RORB: variants seen among roughly 807,000 people sequenced by gnomAD.
RORB encodes the protein nuclear receptor ROR-beta.
Under a neutral mutation model 59.1 loss-of-function variants are expected in RORB, and 6 were observed. The observed-to-expected ratio is 0.10, with a 90% confidence interval of 0.06 to 0.20. RORB has a LOEUF of 0.20. Among genes scored for constraint, RORB ranks in the 10% least tolerant of loss-of-function variants. The pLI is 1.00. For missense variants in RORB, 320 were observed against 560.5 expected, an observed-to-expected ratio of 0.57 and a Z score of 4.33; for synonymous variants, 215 against 204.5, an observed-to-expected ratio of 1.05 and a Z score of -0.44.
chr9:74,650,851 A>G (rs1477538692), intron 4 of RORB, among the ~76,000 whole-genome samples: 1 of 152,218 alleles, frequency 6.6e-6, no homozygotes, highest in African/African-American at 2.4e-5. Context: ...ATGACCTTCA[A>G]AGATTACTTC....
chr9:74,615,611 C>A, intron 1 of RORB: 1 of 454,740 alleles, frequency 2.2e-6, no homozygotes, highest in South Asian at 1.6e-5. Flanking sequence ...TGTGTGAGAA[C>A]CAGCTCAAAA....
At chr9:74,565,921 T>A (rs1406937668) in intron 1 of RORB, among the ~76,000 whole-genome samples, 2 of 152,226 alleles carry the variant, frequency 1.3e-5, no homozygotes, top group African/African-American at 4.8e-5. Context: ...ACAAGTGCTC[T>A]TTGAACAAGA....
chr9:74,662,278 T>G (rs1029698516), intron 5 of RORB, among the ~76,000 whole-genome samples, 196 bp from the exon 6 acceptor site: 1 of 152,128 alleles, frequency 6.6e-6, no homozygotes, highest in East Asian at 1.9e-4. Context: ...TTTTGGCCTA[T>G]TGAGGTCCAA....
intron 1 of RORB, among the ~76,000 whole-genome samples, chr9:74,565,827 T>C (rs933875420): frequency 4.6e-5 from 7 of 152,304 alleles, no homozygotes; most frequent in African/African-American, 1.4e-4. Context: ...TCATCTATAC[T>C]TAGACTTAAG....
At chr9:74,559,829 C>A (rs1822367300) in intron 1 of RORB, among the ~76,000 whole-genome samples, 1 of 152,086 alleles carries the variant, frequency 6.6e-6, no homozygotes, top group Admixed American at 6.6e-5. Context: ...AAAAACAAGG[C>A]CTGCTTCTTT....
intron 1 of RORB, among the ~76,000 whole-genome samples, chr9:74,629,383 A>C (rs1348096532): frequency 6.6e-6 from 1 of 151,842 alleles, no homozygotes; most frequent in Admixed American, 6.6e-5. Context: ...CAGGAACTCC[A>C]TAATCTGGCA....
chr9:74,508,275 C>A lies in RORB; in HGVS notation c.7+10292C>A, dbSNP rs141453992. 4.0e-3 allele frequency among the ~76,000 whole-genome samples: 606 copies of A among 151,896 alleles called. 23 individuals are homozygous for A. The East Asian group carries it at 0.084, about 21-fold the overall frequency. On this transcript the variant is annotated intron_variant, in intron 1 of 9. Coordinates refer to ENST00000376896, the MANE Select transcript of RORB (RefSeq NM_006914.4). ...AATCCTAGTCAGACAGCATTAATACCCTTCCAGTTGTGTTTTTGCTTTGCT... is the reference window on the plus strand; with the variant it reads ...AATCCTAGTCAGACAGCATTAATACACTTCCAGTTGTGTTTTTGCTTTGCT...
chr9:74,618,801 G>A (rs1823355787), intron 1 of RORB, among the ~76,000 whole-genome samples: 1 of 151,998 alleles, frequency 6.6e-6, no homozygotes, highest in Non-Finnish European at 1.5e-5. Context: ...AAAGGTTATT[G>A]TCCCAACCTT....
chr9:74,596,497 A>G lies in RORB; in HGVS notation c.8-33785A>G, dbSNP rs539412018. Among the ~76,000 whole-genome samples the G allele has an allele frequency of 1.9e-3, 292 of 152,268 alleles. 2 individuals are homozygous for G. The highest frequency in any genetic ancestry group is 2.9e-3 in the Non-Finnish European group (199 of 68,012). The stretch of plus-strand genomic sequence containing the variant: ...TTCATGGTTCTACTGCTGACCTAGA[A>G]AAAGTAACTCCATGGGTCTTGATCA... On this transcript the variant is annotated intron_variant, in intron 1 of 9. Transcript: ENST00000376896.
Position 74,686,732 on chromosome 9 carries a change from A to G in RORB, c.*1114A>G, listed in dbSNP as rs547307410. On this transcript the variant is annotated 3_prime_UTR_variant, in exon 10 of 10. Coordinates refer to ENST00000376896, the MANE Select transcript of RORB (RefSeq NM_006914.4). ...TTCTCTCTCACCATGTTTTGGCAAG[A>G]AAAGGTAGAAAGAGAAGACCCAGAG... 6.5e-6 allele frequency: 1 copy of G among 152,738 alleles called. No individual in the cohort carries two copies. The highest frequency in any genetic ancestry group is 6.5e-5 in the Admixed American group (1 of 15,298). The allele number at this position is 152,738 out of a possible 1,614,324, so 9.5% of individuals were successfully genotyped here.
chr9:74,497,923 G>C lies in RORB; in HGVS notation c.-54G>C. The C allele has an allele frequency of 6.2e-7, 1 of 1,605,588 alleles. No individual in the cohort carries two copies. The highest frequency in any genetic ancestry group is 8.5e-7 in the Non-Finnish European group (1 of 1,175,982). On this transcript the variant is annotated 5_prime_UTR_variant, in exon 1 of 10. Transcript: ENST00000376896. The stretch of plus-strand genomic sequence containing the variant: ...TGAGCGGGATTTTTGGGCTCTCCGG[G>C]GTTCGGGCTGGGAGCAGCTTCATGA...
At chr9:74,521,657 T>C (rs1042822365) in intron 1 of RORB, among the ~76,000 whole-genome samples, 1 of 151,802 alleles carries the variant, frequency 6.6e-6, no homozygotes, top group Non-Finnish European at 1.5e-5. Context: ...GAAAACTTAT[T>C]GAGCAAGTGA....
At chr9:74,536,864 G>C (rs550414398) in intron 1 of RORB, among the ~76,000 whole-genome samples, 3 of 152,062 alleles carry the variant, frequency 2.0e-5, no homozygotes, top group Non-Finnish European at 4.4e-5. Flanking sequence ...GAGAAAGAGA[G>C]AGACTTTTTA....
intron 2 of RORB, among the ~76,000 whole-genome samples, chr9:74,632,697 T>G (rs952109261): frequency 1.3e-5 from 2 of 152,180 alleles, no homozygotes; most frequent in Admixed American, 1.3e-4. Flanking sequence ...TTTTCTGTCC[T>G]GTCAACTCTT....
chr9:74,601,370 A>ATT (rs1350337293), intron 1 of RORB, among the ~76,000 whole-genome samples: 61 of 111,632 alleles, frequency 5.5e-4, no homozygotes, highest in Admixed American at 1.8e-3. Flanking sequence ...GAATATGTGA[A>ATT]TTATATATAT....
intron 1 of RORB, among the ~76,000 whole-genome samples, chr9:74,627,274 C>T (rs1423366220): frequency 3.9e-5 from 6 of 152,020 alleles, no homozygotes; most frequent in Non-Finnish European, 1.5e-5. Context: ...TTACCTTTAC[C>T]TATCATAAAC....
chr9:74,647,157 C>A (rs760136586), intron 4 of RORB, among the ~76,000 whole-genome samples: 1 of 152,106 alleles, frequency 6.6e-6, no homozygotes, highest in Non-Finnish European at 1.5e-5. Flanking sequence ...TTCAAACTGG[C>A]GTGATGGATG....
At chr9:74,681,835 A>G (rs1385300751) in intron 9 of RORB, among the ~76,000 whole-genome samples, 1 of 152,222 alleles carries the variant, frequency 6.6e-6, no homozygotes, top group Non-Finnish European at 1.5e-5. Context: ...ATGATTCTAC[A>G]TTGTGAGTCA....
intron 1 of RORB, among the ~76,000 whole-genome samples, chr9:74,533,914 A>G (rs1563930423): frequency 6.6e-6 from 1 of 152,022 alleles, no homozygotes; most frequent in Non-Finnish European, 1.5e-5. Context: ...GACATTAAAG[A>G]AGGACGCTGT....
Sources: gnomAD v4.1 joint callset for allele counts (sites outside exome capture counted in the v4.1 genomes callset) on GRCh38, gnomAD v4.1.1 for gene constraint, MANE v1.5 for transcripts, NCBI Gene and HGNC (gene_info 2026-07-23, HGNC 2026-07-21) for gene names.